Variants in PHLPP1 observed in about 807,000 individuals in gnomAD.
PHLPP1 encodes PH domain leucine-rich repeat-containing protein phosphatase 1.
Under a neutral mutation model 117.2 loss-of-function variants are expected in PHLPP1, and 42 were observed. The observed-to-expected ratio is 0.36, with a 90% CI of 0.28 to 0.46. The LOEUF is 0.46. Ranked by LOEUF, PHLPP1 falls within the 20% of genes least tolerant of loss-of-function variation. The pLI, the probability that PHLPP1 is intolerant of heterozygous loss-of-function variation, is 1.00. For missense variants in PHLPP1, 2,084 were observed against 2,241.9 expected (o/e 0.93, Z 1.42); for synonymous variants, 1,042 against 970.7 (o/e 1.07, Z -1.37).
intron 15 of PHLPP1, 110 bp from the exon 16 acceptor site, chr18:62,975,287 C>T: frequency 5.6e-6 from 4 of 720,438 alleles, no homozygotes; most frequent in Non-Finnish European, 9.9e-6. Context: ...AGTGGAATCC[C>T]CAGCTGTCTC....
chr18:62,966,350 G>A (rs1040046835), intron 14 of PHLPP1, among the ~76,000 whole-genome samples: 7 of 151,544 alleles, frequency 4.6e-5, no homozygotes, highest in Non-Finnish European at 8.8e-5. Context: ...TATCTGGTAT[G>A]TAGCCATGAT....
In PHLPP1 at chr18:62,978,597, G is replaced by A. The variant is rs1911274737; in HGVS notation, c.4320G>A (p.Val1440=). 1 of 1,612,994 alleles carries A rather than the reference G, an allele frequency of 6.2e-7. No homozygotes were observed. Among genetic ancestry groups the A allele is most frequent in the Admixed American group, 1.7e-5 (1 of 59,994 alleles). ...GCGAGCTCAGCGCCGGTGGGGCTGT[G>A]CCACCACCCAGTCCTGGCATCTTTC... The part of the protein sequence containing the change: ...CCCELSAGGA[V]PPPSPGIFPP... Residue 1440 remains valine, a synonymous_variant, in exon 17 of 17, where the codon GTG becomes GTA. Transcript: ENST00000262719. The surrounding 1 kb of genome is among the most constrained non-coding windows in gnomAD (Gnocchi z 7.0).
chr18:62,861,043 C>T (rs1283820189), intron 4 of PHLPP1, among the ~76,000 whole-genome samples: 3 of 152,178 alleles, frequency 2.0e-5, no homozygotes, highest in East Asian at 1.9e-4. Flanking sequence ...AATCAACTTA[C>T]ATCATGTCAT....
Position 62,907,315 on chromosome 18 carries a change from TGAC to T in PHLPP1, c.2708+2034_2708+2036del, listed in dbSNP as rs1231087379. ...AACAAAGCTGGATGGAGAATGATTT[TGAC>T]GAGCTGAGAGAAGAAGGCTTCAGAC... On this transcript the variant is annotated intron_variant, in intron 8 of 16. Coordinates refer to ENST00000262719, the MANE Select transcript of PHLPP1 (RefSeq NM_194449.4). Among the ~76,000 whole-genome samples, 22 of 41,412 alleles carry T rather than the reference TGAC, an allele frequency of 5.3e-4. 1 individual carries two copies. The highest frequency in any genetic ancestry group is 1.2e-4 in the Non-Finnish European group (2 of 16,966). The allele number at this position is 41,412 out of a possible 152,430, so 27.2% of individuals were successfully genotyped here. A position where few individuals can be genotyped will look rare whatever the true frequency, so the allele number is the denominator to read the frequency against.
At chr18:62,875,483 C>T (rs992590896) in intron 4 of PHLPP1, among the ~76,000 whole-genome samples, 41 of 151,826 alleles carry the variant, frequency 2.7e-4, no homozygotes, top group African/African-American at 9.2e-4. Flanking sequence ...TAACTTTTAT[C>T]ACCTTTGTTT....
intron 13 of PHLPP1, 72 bp downstream of exon 13, chr18:62,958,831 G>T: frequency 6.5e-7 from 1 of 1,544,054 alleles, no homozygotes; most frequent in Non-Finnish European, 8.9e-7. Flanking sequence ...TAGTGAAAAT[G>T]GGAAACAAAA....
chr18:62,921,558 G>A (rs1909470936), intron 10 of PHLPP1, among the ~76,000 whole-genome samples: 1 of 152,078 alleles, frequency 6.6e-6, no homozygotes, highest in Admixed American at 6.6e-5. Context: ...AACACCATGT[G>A]GCCAGTGACT....
At chr18:62,807,251 C>T (rs1336558865) in intron 1 of PHLPP1, among the ~76,000 whole-genome samples, 1 of 151,930 alleles carries the variant, frequency 6.6e-6, no homozygotes, top group Non-Finnish European at 1.5e-5. Context: ...TCAGAGTTCT[C>T]AATAATAATC....
In PHLPP1 at chr18:62,717,002, C is replaced by A; in HGVS notation, c.1319C>A (p.Ala440Glu). 1 of 1,543,300 alleles carries A rather than the reference C, an allele frequency of 6.5e-7. No individual in the cohort carries two copies. The highest frequency in any genetic ancestry group is 8.7e-7 in the Non-Finnish European group (1 of 1,145,902). Reference protein sequence around the residue: ...VREGSCEEKAAAAVAPGGLQS... With the variant: ...VREGSCEEKAEAAVAPGGLQS... Reference sequence around the variant, plus strand: ...GAGGGGTCGTGCGAGGAGAAGGCAGCGGCAGCCGTGGCCCCGGGAGGCCTC... The same window carrying A: ...GAGGGGTCGTGCGAGGAGAAGGCAGAGGCAGCCGTGGCCCCGGGAGGCCTC... Residue 440 changes from alanine (A) to glutamate (E), a missense_variant, in exon 1 of 17, where the codon GCG (alanine) becomes GAG (glutamate). Coordinates refer to ENST00000262719, the MANE Select transcript of PHLPP1 (RefSeq NM_194449.4).
intron 10 of PHLPP1, among the ~76,000 whole-genome samples, chr18:62,922,389 G>A (rs111403116): frequency 0.02 from 2,984 of 152,224 alleles, 30 homozygotes; most frequent in Middle Eastern, 0.037. Flanking sequence ...CACCCGCCTT[G>A]GCCTCCCAAA....
chr18:62,829,903 T>G (rs1203247361), intron 1 of PHLPP1, 132 bp from the exon 2 acceptor site: 1 of 595,162 alleles, frequency 1.7e-6, no homozygotes, highest in Non-Finnish European at 2.8e-6. Flanking sequence ...TCATCTCAAT[T>G]ATAAATTAGA....
At chr18:62,734,433 G>T (rs1455981102) in intron 1 of PHLPP1, among the ~76,000 whole-genome samples, 1 of 152,214 alleles carries the variant, frequency 6.6e-6, no homozygotes, top group Admixed American at 6.5e-5. Context: ...ATCCATGGCT[G>T]TAAAACCTGT....
chr18:62,719,188 G>A (rs1176350278), intron 1 of PHLPP1, among the ~76,000 whole-genome samples: 1 of 152,144 alleles, frequency 6.6e-6, no homozygotes, highest in Non-Finnish European at 1.5e-5. Flanking sequence ...ATGTGTGGGG[G>A]TGCCACACAA....
intron 1 of PHLPP1, among the ~76,000 whole-genome samples, chr18:62,758,755 T>C (rs1912112801): frequency 6.6e-6 from 1 of 152,186 alleles, no homozygotes; most frequent in Middle Eastern, 3.4e-3. Context: ...TCCTTAGGAG[T>C]TGAAACAAAA....
At position 62,979,839 on chromosome 18, in the gene PHLPP1, G is replaced by A. The variant is rs7235437; in HGVS notation, c.*408G>A. Reference sequence around the variant, plus strand: ...TTGTAATTCTGTATTTCTTTGGGGGGAAAAGGCTTTTGTTTTGTTTTGTTT... The same window carrying A: ...TTGTAATTCTGTATTTCTTTGGGGGAAAAAGGCTTTTGTTTTGTTTTGTTT... On this transcript the variant is annotated 3_prime_UTR_variant, in exon 17 of 17. Coordinates refer to ENST00000262719, the MANE Select transcript of PHLPP1 (RefSeq NM_194449.4). The A allele has an allele frequency of 0.052, 8,495 of 163,474 alleles. 747 individuals are homozygous for A. Among genetic ancestry groups the A allele is most frequent in the African/African-American group, 0.19 (7,945 of 41,424 alleles). 10.1% of individuals were successfully genotyped at this position (163,474 alleles called of 1,614,324 possible). A position where few individuals can be genotyped will look rare whatever the true frequency, so the allele number is the denominator to read the frequency against.
rs1296080871 is a variant in PHLPP1, at chr18:62,778,628, A to C, written c.1577-51407A>C. 2.6e-5 allele frequency among the ~76,000 whole-genome samples: 4 copies of C among 152,224 alleles called. No individual in the cohort carries two copies. In the East Asian group the frequency reaches 7.7e-4, roughly 29 times the overall value. ...AAGTGTAAGATTACATATTTTTAGA[A>C]ATAATACAAGCGTGTGTTCAAATTA... is the stretch of plus-strand genomic sequence containing the variant. On this transcript the variant is annotated intron_variant, in intron 1 of 16. Coordinates refer to ENST00000262719, the MANE Select transcript of PHLPP1 (RefSeq NM_194449.4).
intron 4 of PHLPP1, among the ~76,000 whole-genome samples, chr18:62,890,155 A>AG (rs754100869): frequency 4.6e-5 from 7 of 152,106 alleles, no homozygotes; most frequent in Non-Finnish European, 8.8e-5. Context: ...TTATAATTAG[A>AG]GGTAGGGGTC....
intron 13 of PHLPP1, among the ~76,000 whole-genome samples, chr18:62,961,484 G>T (rs1910767314): frequency 6.6e-6 from 1 of 152,036 alleles, no homozygotes; most frequent in South Asian, 2.1e-4. Flanking sequence ...CTAGGAAATG[G>T]AATTATTTCT....
At chr18:62,717,374 C>G in intron 1 of PHLPP1, 115 bp downstream of exon 1, 1 of 1,372,446 alleles carries the variant, frequency 7.3e-7, no homozygotes, top group Non-Finnish European at 9.7e-7. Flanking sequence ...CCTGATGAGT[C>G]TTTGTCTTAA....
Sources: allele counts gnomAD v4.1 joint callset (sites outside exome capture counted in the v4.1 genomes callset), GRCh38; gene constraint gnomAD v4.1.1; non-coding constraint Gnocchi (gnomAD v3.1); transcripts MANE v1.5; gene names NCBI Gene and HGNC (gene_info 2026-07-23, HGNC 2026-07-21).